SIK2: variants seen among roughly 807,000 people sequenced by gnomAD.
SIK2 encodes the protein salt inducible kinase 2, also known as serine/threonine-protein kinase SIK2.
Under a neutral mutation model 103.2 loss-of-function variants are expected in SIK2, and 29 were observed. The ratio of observed to expected loss-of-function variants is 0.28; its 90% confidence interval spans 0.21 to 0.38. SIK2 has a LOEUF of 0.38. SIK2 is among the 10% of genes least tolerant of loss of function. The pLI is 1.00. For synonymous variants in SIK2, 412 were observed against 446.1 expected (o/e 0.92, Z 0.96); for missense variants, 879 against 1,171.0 (o/e 0.75, Z 3.64).
intron 2 of SIK2, among the ~76,000 whole-genome samples, chr11:111,617,863 C>T (rs112266432): frequency 3.5e-4 from 53 of 150,224 alleles, no homozygotes; most frequent in African/African-American, 1.0e-3. Flanking sequence ...TATATATATA[C>T]ACACACACAC....
intron 3 of SIK2, among the ~76,000 whole-genome samples, chr11:111,641,797 C>T (rs1018614948): frequency 6.6e-6 from 1 of 152,118 alleles, no homozygotes; most frequent in Admixed American, 6.6e-5. Context: ...CTGTTATTCC[C>T]TATGTGTACC....
At chr11:111,719,603 A>C (rs1342968533) in intron 9 of SIK2, among the ~76,000 whole-genome samples, 172 bp from the exon 10 acceptor site, 1 of 152,218 alleles carries the variant, frequency 6.6e-6, no homozygotes. Context: ...TGAGTCCTGC[A>C]GTTGACTTGC....
At chr11:111,623,820 G>C (rs1333135053) in intron 3 of SIK2, among the ~76,000 whole-genome samples, 1 of 152,186 alleles carries the variant, frequency 6.6e-6, no homozygotes, top group African/African-American at 2.4e-5. Flanking sequence ...GCAGACCTTT[G>C]GACTTCTTTC....
intron 3 of SIK2, among the ~76,000 whole-genome samples, chr11:111,637,603 G>A (rs1942127295): frequency 6.6e-6 from 1 of 151,700 alleles, no homozygotes; most frequent in Non-Finnish European, 1.5e-5. Context: ...GGGTTTACAG[G>A]TGCCCACCAC....
Position 111,721,001 on chromosome 11 carries a change from C to T in SIK2, c.1883C>T (p.Ala628Val), listed in dbSNP as rs371124099. The change falls in exon 12 of 15, where the codon GCA (alanine) becomes GTA (valine). Residue 628 changes from alanine (A) to valine (V), a missense_variant. Transcript: ENST00000304987. ...QLLYEQIGPE[A>V]DPNLAPAAPQ... ...TTGTATGAACAAATAGGACCGGAGG[C>T]AGACCCTAACCTGGCGCCGGCGGCT... 2.5e-6 allele frequency: 4 copies of T among 1,614,190 alleles called. No individual in the cohort carries two copies. The highest frequency in any genetic ancestry group is 2.5e-6 in the Non-Finnish European group (3 of 1,180,024).
In SIK2 at chr11:111,726,831, G is replaced by T; in HGVS notation, c.*2702G>T. On this transcript the variant is annotated 3_prime_UTR_variant, in exon 15 of 15. Transcript: ENST00000304987. ...TGTGTACACTACTGTATCATCATCA[G>T]CTTCATCACCCTGTAAACCAGGCTC... is the stretch of plus-strand genomic sequence containing the variant. The T allele has an allele frequency of 1.3e-6, 1 of 752,896 alleles. No individual in the cohort carries two copies. The highest frequency in any genetic ancestry group is 2.3e-6 in the Non-Finnish European group (1 of 442,234). The allele number at this position is 752,896 out of a possible 1,614,324, so 46.6% of individuals were successfully genotyped here. A position where few individuals can be genotyped will look rare whatever the true frequency, so the allele number is the denominator to read the frequency against.
chr11:111,607,637 T>C (rs1266870195), intron 1 of SIK2, among the ~76,000 whole-genome samples: 1 of 152,226 alleles, frequency 6.6e-6, no homozygotes, highest in African/African-American at 2.4e-5. Context: ...TCTAGTCTTA[T>C]GTATGATCTT....
chr11:111,649,731 C>CTAA (rs1241078456), intron 3 of SIK2, among the ~76,000 whole-genome samples: 1 of 152,032 alleles, frequency 6.6e-6, no homozygotes, highest in African/African-American at 2.4e-5. Flanking sequence ...TGTTATTGTG[C>CTAA]TAATACAGAG....
intron 3 of SIK2, among the ~76,000 whole-genome samples, chr11:111,675,955 C>T (rs1942698230): frequency 6.6e-6 from 1 of 152,142 alleles, no homozygotes; most frequent in Admixed American, 6.6e-5. Context: ...TCTTTGTGTC[C>T]CTGTGTACTC....
intron 8 of SIK2, among the ~76,000 whole-genome samples, chr11:111,706,492 A>C (rs1417498506): frequency 1.3e-5 from 2 of 152,230 alleles, no homozygotes; most frequent in African/African-American, 4.8e-5. Context: ...TGTTCAAAAC[A>C]AAAATAAGGG....
rs111728096 is a variant in SIK2, at chr11:111,723,673, C to T, written c.2325C>T (p.Ser775=). ...APPFSLTQPL[S]PVLEPSSEQM... ...CGTTCAGCCTGACCCAGCCCCTGAGCCCCGTCCTGGAGCCTTCCTCCGAGC... is the reference window on the plus strand; with the variant it reads ...CGTTCAGCCTGACCCAGCCCCTGAGTCCCGTCCTGGAGCCTTCCTCCGAGC... The change falls in exon 15 of 15, where the codon AGC becomes AGT. Residue 775 remains serine (S), a synonymous_variant. Transcript: ENST00000304987. The T allele has an allele frequency of 8.7e-6, 14 of 1,613,834 alleles. No individual in the cohort carries two copies. In the African/African-American group the frequency reaches 9.3e-5, roughly 11 times the overall value.
intron 8 of SIK2, among the ~76,000 whole-genome samples, chr11:111,706,329 G>A (rs1353347086): frequency 2.6e-5 from 4 of 152,136 alleles, no homozygotes; most frequent in Non-Finnish European, 1.5e-5. Context: ...GAGAAGATAG[G>A]GGTGGCATTA....
At chr11:111,716,249 C>CT (rs1248647329) in intron 9 of SIK2, among the ~76,000 whole-genome samples, 3 of 152,092 alleles carry the variant, frequency 2.0e-5, no homozygotes, top group African/African-American at 7.2e-5. Flanking sequence ...TTTTTAATAA[C>CT]TTTTTTTATG....
rs769103258 is a variant in SIK2, at chr11:111,724,090, T to C, written c.2742T>C (p.Ala914=). The C allele has an allele frequency of 6.6e-5, 107 of 1,613,124 alleles. No individual in the cohort carries two copies. The highest frequency in any genetic ancestry group is 3.3e-4 in the Middle Eastern group (2 of 6,062). Residue 914 remains alanine, a synonymous_variant, in exon 15 of 15, where the codon GCT becomes GCC. Coordinates refer to ENST00000304987, the MANE Select transcript of SIK2 (RefSeq NM_015191.3). ...PGLFDCEMLD[A]VDPQHNGYVL... ...TCTTTGATTGTGAAATGCTAGACGC[T>C]GTGGATCCACAACACAACGGGTATG...
chr11:111,687,568 C>T (rs954714891), intron 3 of SIK2, among the ~76,000 whole-genome samples: 1 of 149,554 alleles, frequency 6.7e-6, no homozygotes, highest in Admixed American at 6.7e-5. Context: ...ACTTGGAAAA[C>T]ACCATATTAC....
intron 3 of SIK2, among the ~76,000 whole-genome samples, chr11:111,679,681 CAT>C (rs1444475679): frequency 2.6e-5 from 4 of 152,152 alleles, no homozygotes; most frequent in South Asian, 2.1e-4. Flanking sequence ...CTAGTGTTCA[CAT>C]GTCGGGTGGT....
intron 4 of SIK2, among the ~76,000 whole-genome samples, chr11:111,694,879 ACT>A (rs1256579380): frequency 6.6e-6 from 1 of 151,870 alleles, no homozygotes; most frequent in Non-Finnish European, 1.5e-5. Context: ...AGCTCATTGA[ACT>A]CTCTGACTGG....
chr11:111,686,781 GAT>G lies in SIK2; in HGVS notation c.317-1218_317-1217del, dbSNP rs369541134. ...ATTAAAGATTATAACATTGCATAAA[GAT>G]AGTATATCTTGCAAAATATATTTGT... On this transcript the variant is annotated intron_variant, in intron 3 of 14. Coordinates refer to ENST00000304987, the MANE Select transcript of SIK2 (RefSeq NM_015191.3). Among the ~76,000 whole-genome samples the G allele has an allele frequency of 3.2e-3, 483 of 152,298 alleles. 3 individuals are homozygous for G. Among genetic ancestry groups the G allele is most frequent in the African/African-American group, 0.011 (461 of 41,568 alleles).
chr11:111,701,036 T>C lies in SIK2; in HGVS notation c.603+26T>C. 6.2e-7 allele frequency: 1 copy of C among 1,611,298 alleles called. No individual in the cohort carries two copies. The highest frequency in any genetic ancestry group is 2.2e-5 in the East Asian group (1 of 44,798). The stretch of plus-strand genomic sequence containing the variant: ...GTACTGCTTTGCTTTGCTGTGTTGT[T>C]AAATGCATCTATACTGATAATACTT... On this transcript the variant is annotated intron_variant, in intron 5 of 14. Coordinates refer to ENST00000304987, the MANE Select transcript of SIK2 (RefSeq NM_015191.3). This position sits in a 1 kb window ranked among gnomAD's most constrained non-coding sequence, Gnocchi z 4.2.
Sources: gnomAD v4.1 joint callset for allele counts (sites outside exome capture counted in the v4.1 genomes callset) on GRCh38, gnomAD v4.1.1 for gene constraint, Gnocchi (gnomAD v3.1) non-coding constraint, MANE v1.5 for transcripts, NCBI Gene and HGNC (gene_info 2026-07-23, HGNC 2026-07-21) for gene names.